PIGV: variants seen among roughly 807,000 people sequenced by gnomAD.
PIGV encodes the protein GPI alpha-1,6-mannosyltransferase 2.
In PIGV, 27 loss-of-function variants were observed where a neutral mutation model predicts 39.2. The observed-to-expected ratio is 0.69, with a 90% confidence interval of 0.51 to 0.95. The LOEUF (loss-of-function observed/expected upper bound fraction) is 0.95, where lower values mean the gene tolerates loss of function less well. Among genes scored for constraint, PIGV ranks in the 40% least tolerant of loss-of-function variants. The pLI is 0.00. For missense variants in PIGV, 523 were observed against 586.4 expected (o/e 0.89, Z 1.12); for synonymous variants, 232 against 241.7 (o/e 0.96, Z 0.37).
upstream of PIGV, chr1:26,787,415 CAGA>C (rs1306307600): frequency 3.3e-5 from 5 of 152,236 alleles, no homozygotes; most frequent in African/African-American, 1.2e-4. Context: ...TAAAGTAGGA[CAGA>C]AGGTCTCTGG....
In PIGV at chr1:26,794,388, G is replaced by A. The variant is rs765982367; in HGVS notation, c.354G>A (p.Ser118=). ...LLSLRSCLLI[S]VASLNFLFFM... ...GTCTACGCAGTTGCCTGCTGATTTC[G>A]GTAGCATCACTCAATTTCTTGTTCT... The change falls in exon 3 of 4, where the codon TCG becomes TCA. Residue 118 remains serine, a synonymous_variant. Transcript: ENST00000674202. 6.0e-5 allele frequency: 97 copies of A among 1,614,098 alleles called. No individual in the cohort carries two copies. Among genetic ancestry groups the A allele is most frequent in the Non-Finnish European group, 7.5e-5 (88 of 1,180,052 alleles).
chr1:26,796,003 C>T (rs933621707), intron 3 of PIGV, among the ~76,000 whole-genome samples: 11 of 151,014 alleles, frequency 7.3e-5, no homozygotes, highest in Non-Finnish European at 1.0e-4. Context: ...GAATTCCAGG[C>T]GCCTGCCACC....
At chr1:26,791,437 T>A (rs1307760800) in intron 2 of PIGV, among the ~76,000 whole-genome samples, 1 of 152,196 alleles carries the variant, frequency 6.6e-6, no homozygotes, top group Non-Finnish European at 1.5e-5. Context: ...TGCAGCTCCC[T>A]TTTCCCTCCG....
Position 26,798,917 on chromosome 1 carries a change from A to G in PIGV, c.*1073A>G, listed in dbSNP as rs952923726. The stretch of plus-strand genomic sequence containing the variant: ...CAGAACCTTAGTTACCACCTCTGAA[A>G]CCATGGGAAATGATGATATTCTTCA... On this transcript the variant is annotated 3_prime_UTR_variant, in exon 4 of 4. Coordinates refer to ENST00000674202, the MANE Select transcript of PIGV (RefSeq NM_017837.4). Among the ~76,000 whole-genome samples the G allele has an allele frequency of 1.3e-5, 2 of 152,166 alleles. No individual in the cohort carries two copies. Among genetic ancestry groups the G allele is most frequent in the Non-Finnish European group, 2.9e-5 (2 of 68,026 alleles).
intron 3 of PIGV, among the ~76,000 whole-genome samples, chr1:26,796,770 G>A (rs987686035): frequency 6.6e-6 from 1 of 152,150 alleles, no homozygotes; most frequent in Admixed American, 6.5e-5. Flanking sequence ...GACTTCAGGA[G>A]GTTCTCAACT....
intron 1 of PIGV, chr1:26,788,835 G>A (rs2081274207): frequency 6.6e-6 from 1 of 152,264 alleles, no homozygotes; most frequent in African/African-American, 2.4e-5. Flanking sequence ...TGTCCTGCCA[G>A]TTAAGAGTCT....
chr1:26,792,320 A>AT (rs34566875), intron 2 of PIGV, among the ~76,000 whole-genome samples: 8,808 of 129,262 alleles, frequency 0.068, 362 homozygotes, highest in Non-Finnish European at 0.091. Flanking sequence ...TAATTTTTGT[A>AT]TTTTTTTTTT....
intron 2 of PIGV, 30 bp from the exon 3 acceptor site, chr1:26,794,083 C>T: frequency 1.2e-6 from 2 of 1,609,832 alleles, no homozygotes; most frequent in Non-Finnish European, 1.7e-6. Context: ...AGTTACTCAA[C>T]CAAAATTCTG....
Position 26,795,053 on chromosome 1 carries a change from G to A in PIGV, c.1019G>A (p.Trp340Ter). Residue 340 changes from tryptophan to a stop codon, truncating the protein, a stop_gained, in exon 3 of 4, where the codon TGG becomes TAG. Transcript: ENST00000674202. LOFTEE classifies it high-confidence loss of function. Reference sequence around the variant, plus strand: ...GCACCAGTGGCTATACTGGTTGCCTGGGCAACTTGGACATACGTGACCACT... The same window carrying A: ...GCACCAGTGGCTATACTGGTTGCCTAGGCAACTTGGACATACGTGACCACT... ...LAAPVAILVA[W>*]ATWTYVTTHP... The A allele has an allele frequency of 6.2e-7, 1 of 1,614,174 alleles. No individual in the cohort carries two copies. The highest frequency in any genetic ancestry group is 8.5e-7 in the Non-Finnish European group (1 of 1,180,018).
intron 2 of PIGV, 125 bp downstream of exon 2, chr1:26,791,018 C>T (rs1356929949): frequency 2.6e-6 from 2 of 778,090 alleles, no homozygotes; most frequent in African/African-American, 1.7e-5. Context: ...ACCACAGAGA[C>T]ATAGACTTTA....
intron 3 of PIGV, among the ~76,000 whole-genome samples, chr1:26,795,831 ATTTAT>A (rs1439986984): frequency 2.0e-5 from 3 of 149,628 alleles, no homozygotes; most frequent in Non-Finnish European, 4.4e-5. Context: ...CTATTTTGAG[ATTTAT>A]TTTATTTTAC....
At chr1:26,797,084 T>A (rs1410611788) in intron 3 of PIGV, among the ~76,000 whole-genome samples, 1 of 152,218 alleles carries the variant, frequency 6.6e-6, no homozygotes, top group Non-Finnish European at 1.5e-5. Context: ...CAGCAAAGCT[T>A]AAAGTTTCCA....
chr1:26,789,578 T>C (rs1445966415), intron 1 of PIGV, among the ~76,000 whole-genome samples: 1 of 152,214 alleles, frequency 6.6e-6, no homozygotes, highest in Non-Finnish European at 1.5e-5. Context: ...CTATTTGTGT[T>C]CTAGGCCCTG....
At position 26,797,731 on chromosome 1, in the gene PIGV, C is replaced by T. The variant is rs143676075; in HGVS notation, c.1369C>T (p.Leu457Phe). 1,458 of 1,613,990 alleles carry T rather than the reference C, an allele frequency of 9.0e-4. 1 individual carries two copies. Among genetic ancestry groups the T allele is most frequent in the Non-Finnish European group, 8.9e-4 (1,047 of 1,179,976 alleles). The change falls in exon 4 of 4, where the codon CTT becomes TTT. Residue 457 changes from leucine to phenylalanine, a missense_variant. Transcript: ENST00000674202. Reference sequence around the variant, plus strand: ...GGTCCCCAGAAATCCTATCATGGGACTTTTGTATCACTGGAAAACCTGTTC... The same window carrying T: ...GGTCCCCAGAAATCCTATCATGGGATTTTTGTATCACTGGAAAACCTGTTC... ...QKVPRNPIMG[L>F]LYHWKTCSPV...
Position 26,790,664 on chromosome 1 carries a change from G to A in PIGV, c.-57-95G>A. 6.0e-6 allele frequency: 4 copies of A among 666,328 alleles called. No homozygotes were observed. The South Asian group carries it at 6.9e-5, about 11-fold the overall frequency. 41.3% of individuals were successfully genotyped at this position (666,328 alleles called of 1,614,324 possible). A position where few individuals can be genotyped will look rare whatever the true frequency, so the allele number is the denominator to read the frequency against. Reference sequence around the variant, plus strand: ...GGAAGTTAGGTGGTTGGTTAAGTTTGTCATAGTAATTCTGAGAGGGGAGGT... The same window carrying A: ...GGAAGTTAGGTGGTTGGTTAAGTTTATCATAGTAATTCTGAGAGGGGAGGT... On this transcript the variant is annotated intron_variant, in intron 1 of 3. Coordinates refer to ENST00000674202, the MANE Select transcript of PIGV (RefSeq NM_017837.4).
intron 2 of PIGV, among the ~76,000 whole-genome samples, chr1:26,793,902 C>T (rs1429443487): frequency 1.3e-5 from 2 of 152,128 alleles, no homozygotes; most frequent in South Asian, 2.1e-4. Flanking sequence ...AGCCACTGTG[C>T]TCAGACTTTT....
chr1:26,789,998 A>G (rs996033250), intron 1 of PIGV, among the ~76,000 whole-genome samples: 1 of 152,204 alleles, frequency 6.6e-6, no homozygotes, highest in African/African-American at 2.4e-5. Context: ...GATTGTTTAT[A>G]CGTTGCTACC....
chr1:26,791,514 G>A (rs1019861240), intron 2 of PIGV, among the ~76,000 whole-genome samples: 16 of 152,172 alleles, frequency 1.1e-4, no homozygotes, highest in African/African-American at 3.6e-4. Context: ...GCCTAGCACA[G>A]TGCTTGGTGC....
upstream of PIGV, chr1:26,787,495 T>G (rs1196029065): frequency 2.0e-5 from 3 of 152,406 alleles, no homozygotes; most frequent in Non-Finnish European, 2.9e-5. Flanking sequence ...AGGGTGCCGC[T>G]GCCGGCCACA....
Sources: allele counts gnomAD v4.1 joint callset (sites outside exome capture counted in the v4.1 genomes callset), GRCh38; gene constraint gnomAD v4.1.1; transcripts MANE v1.5; gene names NCBI Gene and HGNC (gene_info 2026-07-23, HGNC 2026-07-21).